Variants in GPHN observed in about 807,000 individuals in gnomAD.
GPHN encodes the protein gephyrin.
Under a neutral mutation model 95.5 loss-of-function variants are expected in GPHN, and 17 were observed. The observed-to-expected ratio is 0.18, with a 90% confidence interval of 0.12 to 0.27. The LOEUF (loss-of-function observed/expected upper bound fraction) is 0.27. GPHN is among the 10% of genes least tolerant of loss of function. The probability of loss-of-function intolerance (pLI) is 1.00; values close to 1 mark genes in which losing one functional copy is unlikely to be tolerated. For missense variants in GPHN, 660 were observed against 978.1 expected (o/e 0.67, Z 4.34); for synonymous variants, 320 against 322.5 (o/e 0.99, Z 0.08).
chr14:67,325,132 C>T, the GPHN span, among the ~76,000 whole-genome samples: 14 of 152,076 alleles, frequency 9.2e-5, 1 homozygote, highest in East Asian at 2.7e-3. Context: ...GTCTTGATCT[C>T]CTGACCTTGT....
chr14:66,933,106 A>G (rs753688394), intron 8 of GPHN, among the ~76,000 whole-genome samples: 1 of 152,224 alleles, frequency 6.6e-6, no homozygotes, highest in Non-Finnish European at 1.5e-5. Flanking sequence ...GTTCAGTTTT[A>G]TAAGTAGACT....
At chr14:67,139,006 T>A (rs2080282795) in intron 17 of GPHN, among the ~76,000 whole-genome samples, 1 of 149,970 alleles carries the variant, frequency 6.7e-6, no homozygotes, top group Non-Finnish European at 1.5e-5. Context: ...GCGGATCACT[T>A]GAGGTCAGGA....
At chr14:67,208,083 C>T in the GPHN span, 2 of 1,427,240 alleles carry the variant, frequency 1.4e-6, no homozygotes, top group Non-Finnish European at 1.9e-6. Flanking sequence ...CCTTACTACT[C>T]CTCACGGGTG....
chr14:67,446,899 G>A, the GPHN span, among the ~76,000 whole-genome samples: 3 of 151,884 alleles, frequency 2.0e-5, no homozygotes, highest in Middle Eastern at 3.2e-3. Context: ...TCACAGCCAC[G>A]TCCATTTGTT....
chr14:67,641,341 T>C, the GPHN span, among the ~76,000 whole-genome samples: 5 of 152,220 alleles, frequency 3.3e-5, no homozygotes, highest in African/African-American at 1.2e-4. Context: ...TCTAAAACAC[T>C]TCTGGTCCCA....
intron 9 of GPHN, among the ~76,000 whole-genome samples, chr14:66,990,106 A>C (rs117847331): frequency 0.012 from 1,830 of 152,262 alleles, 19 homozygotes; most frequent in Non-Finnish European, 0.018. Context: ...AAGGGGAAAC[A>C]AGGTACGTTG....
chr14:66,817,501 T>C (rs185497301), intron 3 of GPHN, among the ~76,000 whole-genome samples: 6 of 152,324 alleles, frequency 3.9e-5, no homozygotes, highest in East Asian at 3.9e-4. Flanking sequence ...TTTTGTATTG[T>C]ATTGTTACAT....
the GPHN span, among the ~76,000 whole-genome samples, chr14:67,706,860 G>A: frequency 0.13 from 19,224 of 152,144 alleles, 1,478 homozygotes; most frequent in South Asian, 0.33. Context: ...AGGATGGTTC[G>A]TTCCTAGACA....
chr14:66,515,538 A>G (rs914055794), intron 1 of GPHN, among the ~76,000 whole-genome samples: 9 of 152,188 alleles, frequency 5.9e-5, no homozygotes, highest in Non-Finnish European at 1.0e-4. Flanking sequence ...GAAATTTGAT[A>G]TCTAAAAACT....
chr14:66,931,493 C>T (rs1294522044), intron 8 of GPHN, among the ~76,000 whole-genome samples: 2 of 152,188 alleles, frequency 1.3e-5, no homozygotes, highest in East Asian at 3.9e-4. Context: ...AGGCCAATAC[C>T]TCTTACTGCC....
chr14:67,317,487 C>T, the GPHN span: 1 of 1,583,752 alleles, frequency 6.3e-7, no homozygotes, highest in Admixed American at 1.7e-5. Flanking sequence ...ATGGTAAGTT[C>T]TACTCTCAGG....
At chr14:67,619,040 G>A in the GPHN span, among the ~76,000 whole-genome samples, 1 of 152,190 alleles carries the variant, frequency 6.6e-6, no homozygotes. Context: ...TGTGGAGTCA[G>A]CTCTGCCACT....
chr14:67,482,136 A>G, the GPHN span, among the ~76,000 whole-genome samples: 1 of 152,174 alleles, frequency 6.6e-6, no homozygotes, highest in East Asian at 1.9e-4. Flanking sequence ...AGGTCTAGGA[A>G]CTACCCCTTC....
chr14:66,521,662 C>G (rs569158049), intron 1 of GPHN, among the ~76,000 whole-genome samples: 89 of 152,108 alleles, frequency 5.9e-4, no homozygotes, highest in Non-Finnish European at 1.0e-3. Flanking sequence ...AGGGCTCCCT[C>G]AAGCCTCTTT....
intron 3 of GPHN, among the ~76,000 whole-genome samples, chr14:66,811,336 C>G (rs1052896779): frequency 2.0e-5 from 3 of 151,842 alleles, no homozygotes; most frequent in Admixed American, 2.0e-4. Context: ...CTTGAAAGGA[C>G]AGAAAAAAAT....
chr14:67,211,325 G>A, the GPHN span, among the ~76,000 whole-genome samples: 1 of 152,130 alleles, frequency 6.6e-6, no homozygotes, highest in Non-Finnish European at 1.5e-5. Flanking sequence ...AAAACCTAAT[G>A]TAGATTTGAC....
the GPHN span, among the ~76,000 whole-genome samples, chr14:67,261,675 G>A: frequency 6.6e-6 from 1 of 152,070 alleles, no homozygotes; most frequent in Admixed American, 6.6e-5. Context: ...TGGAATGTTG[G>A]TAGCCTAGTA....
the GPHN span, among the ~76,000 whole-genome samples, chr14:67,731,905 T>A: frequency 1.3e-5 from 2 of 151,910 alleles, no homozygotes; most frequent in African/African-American, 4.8e-5. Context: ...GGTGGGTGGA[T>A]CACTTGAGGT....
At chr14:67,220,987 A>G in the GPHN span, among the ~76,000 whole-genome samples, 1 of 152,184 alleles carries the variant, frequency 6.6e-6, no homozygotes, top group African/African-American at 2.4e-5. Context: ...GTTTTATTCA[A>G]TACTTCCAAA....
Sources: gnomAD v4.1 joint callset for allele counts (sites outside exome capture counted in the v4.1 genomes callset) on GRCh38, gnomAD v4.1.1 for gene constraint, MANE v1.5 for transcripts, NCBI Gene and HGNC (gene_info 2026-07-23, HGNC 2026-07-21) for gene names.